The following RELN variants were observed in gnomAD, a reference collection of about 807,000 sequenced individuals.
The protein encoded by RELN is reelin.
RELN carries 108 observed loss-of-function variants against 427.6 expected under a neutral mutation model. The observed-to-expected ratio is 0.25, with a 90% CI of 0.22 to 0.30. The LOEUF (loss-of-function observed/expected upper bound fraction) is 0.30. RELN is among the 10% of genes least tolerant of loss of function. The probability of loss-of-function intolerance (pLI) is 1.00; values close to 1 mark genes in which losing one functional copy is unlikely to be tolerated. For missense variants in RELN, 3,715 were observed against 4,302.8 expected, an observed-to-expected ratio of 0.86 and a Z score of 3.82; for synonymous variants, 1,524 against 1,513.4, an observed-to-expected ratio of 1.01 and a Z score of -0.16.
At chr7:103,558,590 C>T in intron 36 of RELN, among the ~76,000 whole-genome samples, 1 of 152,210 alleles carries the variant, frequency 6.6e-6, no homozygotes, top group Admixed American at 6.5e-5. Context: ...AAGGCAAGTC[C>T]TGATGCTCAC....
At chr7:103,917,249 A>G (rs1795505126) in intron 1 of RELN, 64 bp from the exon 2 acceptor site, 1 of 1,219,324 alleles carries the variant, frequency 8.2e-7, no homozygotes, top group African/African-American at 1.5e-5. Flanking sequence ...ATATTTCTGA[A>G]GTGTTAGACA....
intron 1 of RELN, among the ~76,000 whole-genome samples, chr7:103,956,068 T>C (rs1231590760): frequency 6.6e-6 from 1 of 152,210 alleles, no homozygotes; most frequent in Non-Finnish European, 1.5e-5. Context: ...ATTTCTGTCG[T>C]ATTTTACCCA....
intron 27 of RELN, among the ~76,000 whole-genome samples, chr7:103,592,622 A>C (rs1831445297): frequency 6.6e-6 from 1 of 152,202 alleles, no homozygotes. Context: ...TCATTGTTTA[A>C]ATGCTTGAAA....
intron 28 of RELN, among the ~76,000 whole-genome samples, chr7:103,588,974 T>G (rs900833248): frequency 1.3e-5 from 2 of 152,102 alleles, no homozygotes; most frequent in African/African-American, 4.8e-5. Context: ...TTCATGCATT[T>G]TTTTTGCAAA....
chr7:103,639,619 C>T (rs1402563590), intron 17 of RELN, among the ~76,000 whole-genome samples: 2 of 151,846 alleles, frequency 1.3e-5, no homozygotes, highest in Middle Eastern at 3.2e-3. Context: ...AGGCTGGTCT[C>T]GAACTCCTGA....
At position 103,521,729 on chromosome 7, in the gene RELN, A is replaced by G. The variant is rs537672343; in HGVS notation, c.7668+293T>C. Among the ~76,000 whole-genome samples the G allele has an allele frequency of 7.2e-5, 11 of 152,320 alleles. No homozygotes were observed. The East Asian group carries it at 2.1e-3, about 29-fold the overall frequency. On this transcript the variant is annotated intron_variant, in intron 48 of 64. Coordinates refer to ENST00000428762, the MANE Select transcript of RELN (RefSeq NM_005045.4). The stretch of plus-strand genomic sequence containing the variant: ...TACCCTGAATAATTAAATAGTCTCA[A>G]CTGATTTGTGGTAGAAAAATCCTGG...
At chr7:103,789,879 CA>C (rs1792114698) in intron 3 of RELN, among the ~76,000 whole-genome samples, 1 of 152,166 alleles carries the variant, frequency 6.6e-6, no homozygotes, top group African/African-American at 2.4e-5. Context: ...AAGACACATG[CA>C]CATGTATGTT....
At chr7:103,609,679 A>G (rs764748624) in intron 22 of RELN, among the ~76,000 whole-genome samples, 24 of 152,220 alleles carry the variant, frequency 1.6e-4, no homozygotes, top group Non-Finnish European at 2.8e-4. Context: ...TCAATCTTCA[A>G]CTAAAGGCAT....
At chr7:103,972,571 A>T (rs1308956432) in intron 1 of RELN, among the ~76,000 whole-genome samples, 3 of 152,172 alleles carry the variant, frequency 2.0e-5, no homozygotes, top group African/African-American at 7.2e-5. Context: ...GCAGATCCCC[A>T]TCACAATGAC....
At chr7:103,637,609 T>C (rs1832610486) in intron 17 of RELN, among the ~76,000 whole-genome samples, 1 of 152,198 alleles carries the variant, frequency 6.6e-6, no homozygotes, top group Admixed American at 6.5e-5. Context: ...TACTGTAGCA[T>C]GAAGTTTGAA....
chr7:103,700,895 TA>T lies in RELN; in HGVS notation c.902+14del. ...TATGTCAGAATTTATGAAAATACTT[TA>T]AATTACAACAAACCTAATTTTCTCT... is the stretch of plus-strand genomic sequence containing the variant. On this transcript the variant is annotated intron_variant, in intron 9 of 64. Coordinates refer to ENST00000428762, the MANE Select transcript of RELN (RefSeq NM_005045.4). 6.7e-7 allele frequency: 1 copy of T among 1,496,028 alleles called. No homozygotes were observed. Among genetic ancestry groups the T allele is most frequent in the Non-Finnish European group, 9.3e-7 (1 of 1,072,818 alleles). The allele number at this position is 1,496,028 out of a possible 1,614,324, so 92.7% of individuals were successfully genotyped here.
intron 3 of RELN, among the ~76,000 whole-genome samples, chr7:103,831,961 C>T (rs1382870184): frequency 2.0e-5 from 3 of 152,122 alleles, no homozygotes; most frequent in African/African-American, 7.2e-5. Context: ...CTTAGCAAAA[C>T]ATACTGGAAG....
intron 8 of RELN, among the ~76,000 whole-genome samples, chr7:103,708,573 C>T (rs1489811819): frequency 1.3e-5 from 2 of 149,902 alleles, no homozygotes; most frequent in African/African-American, 2.5e-5. Context: ...ATGCCATTCT[C>T]CTGCCTCAGC....
rs57217576 is a variant in RELN, at chr7:103,491,856, T to TCTCTCA, written c.9443+96_9443+97insTGAGAG. 5.0e-3 allele frequency: 1,434 copies of TCTCTCA among 287,924 alleles called. 6 individuals carry two copies. The highest frequency in any genetic ancestry group is 7.0e-3 in the Non-Finnish European group (1,076 of 153,840). 17.8% of individuals were successfully genotyped at this position (287,924 alleles called of 1,614,324 possible). On this transcript the variant is annotated intron_variant, in intron 58 of 64. Transcript: ENST00000428762. ...CTCTCTCTCTCTCTCTCTCTCTCTC[T>TCTCTCA]CACACACACACACACACACACACAC...
intron 3 of RELN, among the ~76,000 whole-genome samples, chr7:103,785,999 T>C (rs918554398): frequency 2.0e-5 from 3 of 152,044 alleles, no homozygotes; most frequent in African/African-American, 4.8e-5. Flanking sequence ...ATATGATTTC[T>C]AACCTAGTTA....
intron 8 of RELN, among the ~76,000 whole-genome samples, chr7:103,707,292 A>T (rs35181281): frequency 0.017 from 2,537 of 151,310 alleles, 40 homozygotes; most frequent in South Asian, 0.031. Context: ...GTATTTGCTT[A>T]AAAAAAAAGA....
intron 1 of RELN, among the ~76,000 whole-genome samples, chr7:103,931,063 AGCCTCTG>A (rs1795853861): frequency 6.6e-6 from 1 of 152,004 alleles, no homozygotes; most frequent in Non-Finnish European, 1.5e-5. Context: ...TCCCTTTTGG[AGCCTCTG>A]GCCAGGGGAT....
At chr7:103,827,733 A>G (rs1052056522) in intron 3 of RELN, among the ~76,000 whole-genome samples, 2 of 152,000 alleles carry the variant, frequency 1.3e-5, no homozygotes, top group African/African-American at 4.8e-5. Context: ...CTTGTCATCT[A>G]GAGGTATATT....
chr7:103,529,029 G>T (rs1471294381), intron 46 of RELN, among the ~76,000 whole-genome samples: 1 of 151,808 alleles, frequency 6.6e-6, no homozygotes. Context: ...CCAACTACTG[G>T]GGAGGCTGAG....
Sources: gnomAD v4.1 joint callset for allele counts (sites outside exome capture counted in the v4.1 genomes callset) on GRCh38, gnomAD v4.1.1 for gene constraint, MANE v1.5 for transcripts, NCBI Gene and HGNC (gene_info 2026-07-23, HGNC 2026-07-21) for gene names.